The following ARAP1 variants were observed in gnomAD, a reference collection of about 807,000 sequenced individuals.
ARAP1 encodes the protein arf-GAP with Rho-GAP domain, ANK repeat and PH domain-containing protein 1.
In ARAP1, 76 loss-of-function variants were observed where a neutral mutation model predicts 172.2. That is an observed-to-expected ratio of 0.44 (90% CI 0.37 to 0.53). The LOEUF (loss-of-function observed/expected upper bound fraction) is 0.53, where lower values mean the gene tolerates loss of function less well. Among genes scored for constraint, ARAP1 ranks in the 20% least tolerant of loss-of-function variants. ARAP1 has a pLI of 0.00. For missense variants in ARAP1, 1,686 were observed against 1,977.5 expected, an observed-to-expected ratio of 0.85 and a Z score of 2.80; for synonymous variants, 804 against 803.3, an observed-to-expected ratio of 1.00 and a Z score of -0.01.
At chr11:72,687,168 G>GGCC in intron 33 of ARAP1, 1 of 517,446 alleles carries the variant, frequency 1.9e-6, no homozygotes. Flanking sequence ...GGCTATAACT[G>GGCC]GCCACTTCTG....
rs370682400 is a variant in ARAP1 at position 72,744,399 on chromosome 11, C to T, written c.-128+7929G>A. 3.9e-5 allele frequency among the ~76,000 whole-genome samples: 6 copies of T among 152,278 alleles called. No individual in the cohort carries two copies. In the South Asian group the frequency reaches 1.0e-3, roughly 26 times the overall value. On this transcript the variant is annotated intron_variant, in intron 1 of 34. Coordinates refer to ENST00000393609, the MANE Select transcript of ARAP1 (RefSeq NM_001040118.3). ...GAACCCAGCCTCCAGCCTCCCAATA[C>T]GAGGTGCCTCCCATTCCACCCAGTC... is the stretch of plus-strand genomic sequence containing the variant.
chr11:72,734,081 C>T (rs574553289), intron 1 of ARAP1, among the ~76,000 whole-genome samples: 11 of 151,940 alleles, frequency 7.2e-5, no homozygotes, highest in Non-Finnish European at 4.4e-5. Flanking sequence ...CCACCTCAGC[C>T]CCCCCAGTTG....
Position 72,695,392 on chromosome 11 carries a change from T to C in ARAP1, c.3571A>G (p.Ile1191Val), listed in dbSNP as rs149283425. ...TTCTAGGTCCCAGCACCTACCTTGA[T>C]ATGCTGCTCAGTCTCTGCCTTCTTC... The part of the protein sequence containing the change: ...EEKKAETEQH[I>V]KVPASMTAEE... Residue 1191 changes from isoleucine to valine, a missense_variant, in exon 26 of 35, where the codon ATC (isoleucine) becomes GTC (valine). Physicochemically the swap from Ile to Val is conservative, Grantham distance 29. Transcript: ENST00000393609. This position sits in a 1 kb window ranked among gnomAD's most constrained non-coding sequence, Gnocchi z 4.4. 2 of 1,614,086 alleles carry C rather than the reference T, an allele frequency of 1.2e-6. No individual in the cohort carries two copies. The highest frequency in any genetic ancestry group is 1.7e-6 in the Non-Finnish European group (2 of 1,180,038).
At chr11:72,718,138 C>G (rs1036380709) in intron 3 of ARAP1, among the ~76,000 whole-genome samples, 1 of 152,230 alleles carries the variant, frequency 6.6e-6, no homozygotes, top group Non-Finnish European at 1.5e-5. Context: ...CAGGAAGTCT[C>G]CTGGCTGCTC....
intron 1 of ARAP1, among the ~76,000 whole-genome samples, chr11:72,734,170 G>A (rs1274784117): frequency 6.6e-6 from 1 of 152,150 alleles, no homozygotes; most frequent in Non-Finnish European, 1.5e-5. Context: ...GCCCAGGCTG[G>A]AGTGTAGTAG....
intron 15 of ARAP1, 124 bp downstream of exon 15, chr11:72,702,781 C>A: frequency 2.4e-6 from 3 of 1,249,932 alleles, no homozygotes; most frequent in Non-Finnish European, 3.3e-6. Flanking sequence ...AAGCACACCC[C>A]AGCTCACACA....
chr11:72,720,386 T>G (rs75977126), intron 3 of ARAP1, among the ~76,000 whole-genome samples: 66 of 152,254 alleles, frequency 4.3e-4, no homozygotes, highest in Non-Finnish European at 7.5e-4. Flanking sequence ...TTCTGCTCTG[T>G]TCACTTCTGC....
intron 2 of ARAP1, among the ~76,000 whole-genome samples, chr11:72,730,260 C>T (rs1316103047): frequency 6.6e-6 from 1 of 152,128 alleles, no homozygotes; most frequent in Admixed American, 6.5e-5. Flanking sequence ...TGAAAAGGAA[C>T]TTAACCTCCC....
chr11:72,739,672 C>T (rs757719339), intron 1 of ARAP1, among the ~76,000 whole-genome samples: 1 of 152,188 alleles, frequency 6.6e-6, no homozygotes, highest in Non-Finnish European at 1.5e-5. Context: ...CCCAGATGAC[C>T]ATGACACGCC....
At chr11:72,748,389 G>A (rs376601765) in intron 1 of ARAP1, among the ~76,000 whole-genome samples, 21 of 151,976 alleles carry the variant, frequency 1.4e-4, no homozygotes, top group East Asian at 5.8e-4. Flanking sequence ...GTATGGTGGC[G>A]CGTGCCTGTA....
intron 18 of ARAP1, 39 bp downstream of exon 18, chr11:72,698,962 CCAGT>C: frequency 1.2e-6 from 2 of 1,601,548 alleles, no homozygotes; most frequent in Non-Finnish European, 1.7e-6. Context: ...CCCACCTTCC[CCAGT>C]CAGACACCCT....
At position 72,726,143 on chromosome 11, in the gene ARAP1, C is replaced by G. The variant is rs1857682018; in HGVS notation, c.509+477G>C. On this transcript the variant is annotated intron_variant, in intron 3 of 34. Coordinates refer to ENST00000393609, the MANE Select transcript of ARAP1 (RefSeq NM_001040118.3). The surrounding 1 kb of genome is among the most constrained non-coding windows in gnomAD (Gnocchi z 6.5). ...GACATTTGGCAGTGGGAGAAGGGGA[C>G]AGGGTGTGAAAGAGCACACCACCAG... 6.6e-6 allele frequency among the ~76,000 whole-genome samples: 1 copy of G among 152,092 alleles called. No homozygotes were observed. The highest frequency in any genetic ancestry group is 2.1e-4 in the South Asian group (1 of 4,828).
At chr11:72,698,272 C>T (rs1419847341) in intron 18 of ARAP1, among the ~76,000 whole-genome samples, 166 bp from the exon 19 acceptor site, 1 of 152,212 alleles carries the variant, frequency 6.6e-6, no homozygotes, top group Non-Finnish European at 1.5e-5. Flanking sequence ...TACCATGCCC[C>T]ACTTCATACC....
At position 72,695,202 on chromosome 11, in the gene ARAP1, T is replaced by C; in HGVS notation, c.3577-105A>G. 1 of 1,385,846 alleles carries C rather than the reference T, an allele frequency of 7.2e-7. No individual in the cohort carries two copies. Among genetic ancestry groups the C allele is most frequent in the Non-Finnish European group, 1.0e-6 (1 of 990,008 alleles). The allele number at this position is 1,385,846 out of a possible 1,614,324, so 85.8% of individuals were successfully genotyped here. ...TGAGCCCATCCTTCTCAGGCCCTTC[T>C]GGAGTCCTGGGATAGAGAGGGGTAT... On this transcript the variant is annotated intron_variant, in intron 26 of 34. Transcript: ENST00000393609. The surrounding 1 kb of genome is among the most constrained non-coding windows in gnomAD (Gnocchi z 4.4).
chr11:72,720,708 G>T (rs755093873), intron 3 of ARAP1, among the ~76,000 whole-genome samples: 2 of 152,166 alleles, frequency 1.3e-5, no homozygotes, highest in Non-Finnish European at 2.9e-5. Flanking sequence ...TGGGACAACA[G>T]CTACCACTTG....
In ARAP1 at chr11:72,717,207, T is replaced by C. The variant is rs1215427254; in HGVS notation, c.510-2886A>G. Among the ~76,000 whole-genome samples, 6 of 152,248 alleles carry C rather than the reference T, an allele frequency of 3.9e-5. No homozygotes were observed. The East Asian group carries it at 1.2e-3, about 29-fold the overall frequency. On this transcript the variant is annotated intron_variant, in intron 3 of 34. Transcript: ENST00000393609. The stretch of plus-strand genomic sequence containing the variant: ...GGTCACCTGCGATTCCCTTAGAGAC[T>C]TCTTGATGGGCAAATCAATCCATCA...
intron 3 of ARAP1, among the ~76,000 whole-genome samples, chr11:72,717,962 T>C (rs1341860684): frequency 1.3e-5 from 2 of 152,046 alleles, no homozygotes; most frequent in Admixed American, 1.3e-4. Context: ...TCAGGACCCA[T>C]CTGAGAGGGA....
chr11:72,714,334 C>T lies in ARAP1; in HGVS notation c.510-13G>A. On this transcript the variant is annotated splice_polypyrimidine_tract_variant and intron_variant, in intron 3 of 34. Transcript: ENST00000393609. ...CTTAGTGGGCAGGCTGGGAACACAACAAAAGTTGGGCATCACTAAGCAACA... is the reference window on the plus strand; with the variant it reads ...CTTAGTGGGCAGGCTGGGAACACAATAAAAGTTGGGCATCACTAAGCAACA... 3 of 1,545,010 alleles carry T rather than the reference C, an allele frequency of 1.9e-6. No homozygotes were observed. The highest frequency in any genetic ancestry group is 1.7e-6 in the Non-Finnish European group (2 of 1,144,192).
At chr11:72,702,861 G>A in intron 15 of ARAP1, 44 bp downstream of exon 15, 14 of 1,545,408 alleles carry the variant, frequency 9.1e-6, no homozygotes, top group Non-Finnish European at 1.2e-5. Context: ...AACCCCACCA[G>A]GCACTGCACA....
Sources: gnomAD v4.1 joint callset for allele counts (sites outside exome capture counted in the v4.1 genomes callset) on GRCh38, gnomAD v4.1.1 for gene constraint, Gnocchi (gnomAD v3.1) non-coding constraint, MANE v1.5 for transcripts, NCBI Gene and HGNC (gene_info 2026-07-23, HGNC 2026-07-21) for gene names.